GTF2F1: variants seen among roughly 807,000 people sequenced by gnomAD.
GTF2F1 encodes the protein general transcription factor IIF subunit 1.
GTF2F1 carries 39 observed loss-of-function variants against 63.5 expected under a neutral mutation model. The ratio of observed to expected loss-of-function variants is 0.61; its 90% CI spans 0.48 to 0.80. GTF2F1 has a LOEUF of 0.80. GTF2F1 is among the 30% of genes least tolerant of loss of function. The pLI, the probability that GTF2F1 is intolerant of heterozygous loss-of-function variation, is 0.00. For missense variants in GTF2F1, 657 were observed against 718.3 expected (o/e 0.91, Z 0.97); for synonymous variants, 287 against 285.3 (o/e 1.01, Z -0.06).
At position 6,380,181 on chromosome 19, in the gene GTF2F1, AG is replaced by A; in HGVS notation, c.*99del. ...GGTCACTGAGAGCCTGAAGTTCTGG[AG>A]GGCAGAGCCATGTATTGGACAGAGC... On this transcript the variant is annotated 3_prime_UTR_variant, in exon 13 of 13. Transcript: ENST00000394456. The surrounding 1 kb of genome is among the most constrained non-coding windows in gnomAD (Gnocchi z 5.3). 1 of 1,008,126 alleles carries A rather than the reference AG, an allele frequency of 9.9e-7. No individual in the cohort carries two copies. Among genetic ancestry groups the A allele is most frequent in the Non-Finnish European group, 1.6e-6 (1 of 632,520 alleles). The allele number at this position is 1,008,126 out of a possible 1,614,324, so 62.4% of individuals were successfully genotyped here.
In GTF2F1 at chr19:6,391,523, G is replaced by A. The variant is rs532022015; in HGVS notation, c.132+379C>T. Among the ~76,000 whole-genome samples the A allele has an allele frequency of 1.5e-4, 20 of 134,634 alleles. No individual in the cohort carries two copies. The South Asian group carries it at 5.0e-3, about 34-fold the overall frequency. 88.3% of individuals were successfully genotyped at this position (134,634 alleles called of 152,430 possible). A position where few individuals can be genotyped will look rare whatever the true frequency, so the allele number is the denominator to read the frequency against. On this transcript the variant is annotated intron_variant, in intron 3 of 12. Coordinates refer to ENST00000394456, the MANE Select transcript of GTF2F1 (RefSeq NM_002096.3). ...GCTGGAGTGCAGTCGTACAATCATA[G>A]CTCACTGCAGCCTTGAACCCCTGGG...
Position 6,393,030 on chromosome 19 carries a change from C to G in GTF2F1, c.-35G>C. ...TCAGTGGTTCCGATCTGGTCCGACCCGGGTTCCTTTCGTCTCCTCTGGCGT... is the reference window on the plus strand; with the variant it reads ...TCAGTGGTTCCGATCTGGTCCGACCGGGGTTCCTTTCGTCTCCTCTGGCGT... On this transcript the variant is annotated 5_prime_UTR_variant, in exon 1 of 13. Transcript: ENST00000394456. 4 of 1,613,016 alleles carry G rather than the reference C, an allele frequency of 2.5e-6. No individual in the cohort carries two copies. Among genetic ancestry groups the G allele is most frequent in the African/African-American group, 1.3e-5 (1 of 74,962 alleles).
In GTF2F1 at chr19:6,383,929, C is replaced by T. The variant is rs370478772; in HGVS notation, c.498-434G>A. ...CTCCTGACTCAGCCTCCCAGATAGC[C>T]GGGGTTCCAGGCGCCTGCCACCACG... On this transcript the variant is annotated intron_variant, in intron 5 of 12. Transcript: ENST00000394456. This position sits in a 1 kb window ranked among gnomAD's most constrained non-coding sequence, Gnocchi z 4.5. Among the ~76,000 whole-genome samples the T allele has an allele frequency of 8.2e-4, 124 of 151,552 alleles. 1 individual carries two copies. The East Asian group carries it at 0.022, about 26-fold the overall frequency.
chr19:6,387,620 C>T (rs1426794727), intron 4 of GTF2F1, 61 bp from the exon 5 acceptor site: 1 of 1,391,304 alleles, frequency 7.2e-7, no homozygotes, highest in Non-Finnish European at 1.0e-6. Context: ...CCCCGTGTCC[C>T]CCCGGGGCCT....
Position 6,380,193 on chromosome 19 carries a change from T to G in GTF2F1, c.*88A>C. Reference sequence around the variant, plus strand: ...CCTGAAGTTCTGGAGGGCAGAGCCATGTATTGGACAGAGCCTCACTCTAGG... The same window carrying G: ...CCTGAAGTTCTGGAGGGCAGAGCCAGGTATTGGACAGAGCCTCACTCTAGG... On this transcript the variant is annotated 3_prime_UTR_variant, in exon 13 of 13. Transcript: ENST00000394456. This position sits in a 1 kb window ranked among gnomAD's most constrained non-coding sequence, Gnocchi z 5.3. The G allele has an allele frequency of 9.2e-7, 1 of 1,088,250 alleles. No homozygotes were observed. The highest frequency in any genetic ancestry group is 1.4e-6 in the Non-Finnish European group (1 of 702,180). The allele number at this position is 1,088,250 out of a possible 1,614,324, so 67.4% of individuals were successfully genotyped here.
intron 5 of GTF2F1, 47 bp downstream of exon 5, chr19:6,387,342 C>G: frequency 6.3e-7 from 1 of 1,575,818 alleles, no homozygotes; most frequent in Non-Finnish European, 8.7e-7. Context: ...TGGCAAGGCA[C>G]CCCATTTCCC....
In GTF2F1 at chr19:6,381,915, G is replaced by T. The variant is rs1295317329; in HGVS notation, c.683-65C>A. 1.0e-5 allele frequency: 14 copies of T among 1,395,926 alleles called. No individual in the cohort carries two copies. In the East Asian group the frequency reaches 3.0e-4, roughly 30 times the overall value. The allele number at this position is 1,395,926 out of a possible 1,614,324, so 86.5% of individuals were successfully genotyped here. A position where few individuals can be genotyped will look rare whatever the true frequency, so the allele number is the denominator to read the frequency against. On this transcript the variant is annotated intron_variant, in intron 6 of 12. Transcript: ENST00000394456. The surrounding 1 kb of genome is among the most constrained non-coding windows in gnomAD (Gnocchi z 4.1). ...GAGGAAGGCAGTGGGTATTTATTGTGTTTTTCACATTTTGTGCAGTTTTGA... is the reference window on the plus strand; with the variant it reads ...GAGGAAGGCAGTGGGTATTTATTGTTTTTTTCACATTTTGTGCAGTTTTGA...
chr19:6,383,235 G>T lies in GTF2F1; in HGVS notation c.682+76C>A, dbSNP rs571202974. Reference sequence around the variant, plus strand: ...CTCTCATTCTAGGGCCACTGTGAGCGATGGTAGACTTTGCCTTCACTGGCA... The same window carrying T: ...CTCTCATTCTAGGGCCACTGTGAGCTATGGTAGACTTTGCCTTCACTGGCA... On this transcript the variant is annotated intron_variant, in intron 6 of 12. Transcript: ENST00000394456. This position sits in a 1 kb window ranked among gnomAD's most constrained non-coding sequence, Gnocchi z 4.5. 2 of 1,461,722 alleles carry T rather than the reference G, an allele frequency of 1.4e-6. No homozygotes were observed. Among genetic ancestry groups the T allele is most frequent in the East Asian group, 2.3e-5 (1 of 43,868 alleles). 90.5% of individuals were successfully genotyped at this position (1,461,722 alleles called of 1,614,324 possible). A position where few individuals can be genotyped will look rare whatever the true frequency, so the allele number is the denominator to read the frequency against.
chr19:6,388,172 C>T (rs534717798), intron 4 of GTF2F1, among the ~76,000 whole-genome samples: 2 of 152,198 alleles, frequency 1.3e-5, no homozygotes, highest in East Asian at 3.9e-4. Context: ...CCACGTAATC[C>T]GCCCGCCTCT....
rs776195765 is a variant in GTF2F1 at position 6,387,405 on chromosome 19, C to T, written c.481G>A (p.Glu161Lys). ...CCCACTCACCTCTCCCACTCCTCCT[C>T]GGCCTCCTCGGCAGTGAGCGTGCGA... ...RHRTLTAEEA[E>K]EEWERRNKVL... The change falls in exon 5 of 13, where the codon GAG (glutamate) becomes AAG (lysine). Residue 161 changes from glutamate (E) to lysine (K), a missense_variant. Coordinates refer to ENST00000394456, the MANE Select transcript of GTF2F1 (RefSeq NM_002096.3). 1.8e-5 allele frequency: 29 copies of T among 1,614,100 alleles called. No homozygotes were observed. The South Asian group carries it at 2.5e-4, about 14-fold the overall frequency.
intron 4 of GTF2F1, among the ~76,000 whole-genome samples, chr19:6,388,556 T>G (rs1229140050): frequency 6.6e-6 from 1 of 152,166 alleles, no homozygotes; most frequent in Non-Finnish European, 1.5e-5. Context: ...TCAAGTGTCA[T>G]GAGCTCCCAG....
chr19:6,381,677 G>A lies in GTF2F1; in HGVS notation c.836+20C>T, dbSNP rs368496125. The A allele has an allele frequency of 9.3e-6, 15 of 1,613,990 alleles. No homozygotes were observed. The highest frequency in any genetic ancestry group is 1.2e-5 in the Non-Finnish European group (14 of 1,180,042). ...CGCGAGGCTGCATGGGGTCTCGCAG[G>A]CGCCTCCCGTCGGCCTCACCTGGAG... On this transcript the variant is annotated intron_variant, in intron 7 of 12. Coordinates refer to ENST00000394456, the MANE Select transcript of GTF2F1 (RefSeq NM_002096.3). This position sits in a 1 kb window ranked among gnomAD's most constrained non-coding sequence, Gnocchi z 4.1.
In GTF2F1 at chr19:6,393,131, C is replaced by T. The variant is rs768698786; in HGVS notation, c.-136G>A. ...CCTGAGCGAGGACCCCAACCCTAGG[C>T]GCCTCTGGCGCTGGGAAAAGGTAAC... On this transcript the variant is annotated 5_prime_UTR_variant, in exon 1 of 13. Coordinates refer to ENST00000394456, the MANE Select transcript of GTF2F1 (RefSeq NM_002096.3). The T allele has an allele frequency of 7.1e-6, 8 of 1,124,262 alleles. No individual in the cohort carries two copies. Among genetic ancestry groups the T allele is most frequent in the East Asian group, 2.5e-5 (1 of 40,254 alleles). The allele number at this position is 1,124,262 out of a possible 1,614,324, so 69.6% of individuals were successfully genotyped here. A position where few individuals can be genotyped will look rare whatever the true frequency, so the allele number is the denominator to read the frequency against.
intron 5 of GTF2F1, among the ~76,000 whole-genome samples, chr19:6,386,245 G>A (rs77749370): frequency 0.018 from 2,681 of 151,830 alleles, 171 homozygotes; most frequent in East Asian, 0.12. Context: ...TTAGCCAGGC[G>A]TGGTGGTGCA....
At position 6,381,414 on chromosome 19, in the gene GTF2F1, C is replaced by G; in HGVS notation, c.963G>C (p.Lys321Asn). 6.2e-7 allele frequency: 1 copy of G among 1,610,842 alleles called. No individual in the cohort carries two copies. Among genetic ancestry groups the G allele is most frequent in the Non-Finnish European group, 8.5e-7 (1 of 1,179,580 alleles). Residue 321 changes from lysine (K) to asparagine (N), a missense_variant, in exon 9 of 13, where the codon AAG becomes AAC. Around this residue, in one of 2 missense-constraint regions of GTF2F1, gnomAD observed 602 missense variants for 625.6 expected, o/e 0.96. Transcript: ENST00000394456. This position sits in a 1 kb window ranked among gnomAD's most constrained non-coding sequence, Gnocchi z 4.1. ...GTGCCTTCTTCTCCTCCTCCTCCTCCTTGTCCTCCTCAGGCGGCTTCTCCT... is the reference window on the plus strand; with the variant it reads ...GTGCCTTCTTCTCCTCCTCCTCCTCGTTGTCCTCCTCAGGCGGCTTCTCCT... Reference protein sequence around the residue: ...SEEEKPPEEDKEEEEEKKAPT... With the variant: ...SEEEKPPEEDNEEEEEKKAPT...
At chr19:6,392,011 C>T in intron 2 of GTF2F1, 37 bp from the exon 3 acceptor site, 1 of 1,030,988 alleles carries the variant, frequency 9.7e-7, no homozygotes, top group South Asian at 1.4e-5. Context: ...CAATCCAATA[C>T]AGCAATTCAA....
At chr19:6,386,476 C>T (rs187177454) in intron 5 of GTF2F1, among the ~76,000 whole-genome samples, 4 of 152,290 alleles carry the variant, frequency 2.6e-5, no homozygotes, top group East Asian at 3.9e-4. Flanking sequence ...GACGGAGTCT[C>T]GCTCTGTCGC....
chr19:6,381,153 T>G lies in GTF2F1; in HGVS notation c.1061A>C (p.Asp354Ala). The change falls in exon 10 of 13, where the codon GAC becomes GCC. Residue 354 changes from aspartate (D) to alanine (A), a missense_variant. Transcript: ENST00000394456. The surrounding 1 kb of genome is among the most constrained non-coding windows in gnomAD (Gnocchi z 4.1). ...GAAGAGGGCTGAGGAGGCCTCGCTG[T>G]CAATGTCGCTCTCCTCTGAGCTGTC... Reference protein sequence around the residue: ...ESDSSEESDIDSEASSALFMA... With the variant: ...ESDSSEESDIASEASSALFMA... 1 of 1,611,930 alleles carries G rather than the reference T, an allele frequency of 6.2e-7. No homozygotes were observed. The highest frequency in any genetic ancestry group is 8.5e-7 in the Non-Finnish European group (1 of 1,179,318).
Position 6,393,042 on chromosome 19 carries a change from G to A in GTF2F1, c.-47C>T. On this transcript the variant is annotated 5_prime_UTR_variant, in exon 1 of 13. The change creates a new upstream start codon in the 5' untranslated region. Coordinates refer to ENST00000394456, the MANE Select transcript of GTF2F1 (RefSeq NM_002096.3). ...ATCTGGTCCGACCCGGGTTCCTTTC[G>A]TCTCCTCTGGCGTGCGCGTCCCTCG... 4 of 1,611,626 alleles carry A rather than the reference G, an allele frequency of 2.5e-6. No homozygotes were observed. Among genetic ancestry groups the A allele is most frequent in the East Asian group, 2.2e-5 (1 of 44,882 alleles).
Sources: gnomAD v4.1 joint callset for allele counts (sites outside exome capture counted in the v4.1 genomes callset) on GRCh38, gnomAD v4.1.1 for gene constraint, gnomAD v4.1.1 regional missense constraint, Gnocchi (gnomAD v3.1) non-coding constraint, MANE v1.5 for transcripts, NCBI Gene and HGNC (gene_info 2026-07-23, HGNC 2026-07-21) for gene names.